Variants in KNG1 observed in about 807,000 individuals in gnomAD.
KNG1 encodes the protein kininogen-1.
Under a neutral mutation model 47.8 loss-of-function variants are expected in KNG1, and 23 were observed. The ratio of observed to expected loss-of-function variants is 0.48; its 90% CI spans 0.35 to 0.68. KNG1 has a LOEUF of 0.68. KNG1 is among the 30% of genes least tolerant of loss of function. KNG1 has a pLI of 0.01. For synonymous variants in KNG1, 277 were observed against 277.0 expected (o/e 1.00, Z 0.00); for missense variants, 762 against 790.2 (o/e 0.96, Z 0.43).
In KNG1 at chr3:186,743,727, A is replaced by T; in HGVS notation, c.*1396A>T. 6.2e-7 allele frequency: 1 copy of T among 1,614,066 alleles called. No individual in the cohort carries two copies. Among genetic ancestry groups the T allele is most frequent in the Non-Finnish European group, 8.5e-7 (1 of 1,179,890 alleles). On this transcript the variant is annotated 3_prime_UTR_variant, in exon 10 of 10. Transcript: ENST00000644859. ...CAGAGTCACCTAAGGTCCTGCGAGT[A>T]CAAGGGTCGACCCCCAAAGGCAGGG...
intron 7 of KNG1, chr3:186,736,779 G>A (rs1053336625): frequency 3.3e-5 from 5 of 152,082 alleles, no homozygotes; most frequent in Admixed American, 2.6e-4. Flanking sequence ...GGCCAGGCGT[G>A]GTAGCTCATG....
chr3:186,725,278 C>G lies in KNG1; in HGVS notation c.564+18C>G, dbSNP rs374760615. The G allele has an allele frequency of 9.8e-5, 157 of 1,607,554 alleles. No individual in the cohort carries two copies. Among genetic ancestry groups the G allele is most frequent in the Middle Eastern group, 1.7e-4 (1 of 6,060 alleles). On this transcript the variant is annotated intron_variant, in intron 4 of 9. Coordinates refer to ENST00000644859, the MANE Select transcript of KNG1 (RefSeq NM_001102416.3). ...AAAGACAGGTTTGTTCTTTAATTCTCTAAGTAGCACAGTATTACTAAAATT... is the reference window on the plus strand; with the variant it reads ...AAAGACAGGTTTGTTCTTTAATTCTGTAAGTAGCACAGTATTACTAAAATT...
chr3:186,735,223 T>G (rs1441760553), intron 7 of KNG1, among the ~76,000 whole-genome samples: 1 of 152,190 alleles, frequency 6.6e-6, no homozygotes, highest in Admixed American at 6.6e-5. Flanking sequence ...TGGTAGCTCA[T>G]GCCTGTGATC....
At chr3:186,725,542 G>GTTTTTTTTTTTTTTTTTT in intron 4 of KNG1, among the ~76,000 whole-genome samples, 2 of 75,060 alleles carry the variant, frequency 2.7e-5, no homozygotes, top group Admixed American at 3.0e-4. Flanking sequence ...CCGGCCTTAG[G>GTTTTTTTTTTTTTTTTTT]ATTTTTTTTT....
intron 5 of KNG1, among the ~76,000 whole-genome samples, chr3:186,730,356 A>G (rs1294596825): frequency 6.6e-6 from 1 of 151,896 alleles, no homozygotes; most frequent in African/African-American, 2.4e-5. Context: ...TGGTGTAAAA[A>G]CAATTAAAAA....
intron 1 of KNG1, 73 bp downstream of exon 1, chr3:186,717,810 A>ACT: frequency 9.8e-7 from 1 of 1,022,914 alleles, no homozygotes. Flanking sequence ...CCTCACACAC[A>ACT]CACACACATA....
rs981077085 is a variant in KNG1 at position 186,725,021 on chromosome 3, T to A, written c.392-67T>A. The A allele has an allele frequency of 1.1e-5, 17 of 1,559,512 alleles. No individual in the cohort carries two copies. The African/African-American group carries it at 1.5e-4, about 14-fold the overall frequency. ...CCACCACGCCCAGCCTCTTCTTTGT[T>A]TAGGGCAGTGTATGCGAATGCTGAT... On this transcript the variant is annotated intron_variant, in intron 3 of 9. Coordinates refer to ENST00000644859, the MANE Select transcript of KNG1 (RefSeq NM_001102416.3).
Position 186,741,843 on chromosome 3 carries a change from C to A in KNG1, c.1447C>A (p.Leu483Ile). 2 of 1,613,692 alleles carry A rather than the reference C, an allele frequency of 1.2e-6. No individual in the cohort carries two copies. The highest frequency in any genetic ancestry group is 1.7e-6 in the Non-Finnish European group (2 of 1,179,750). ...ACATAAGTTCAAACTTGATGATGAT[C>A]TTGAACACCAAGGGGGCCATGTCCT... ...HGHKFKLDDDLEHQGGHVLDH... is the reference protein window; with the variant it reads ...HGHKFKLDDDIEHQGGHVLDH... Residue 483 changes from leucine (L) to isoleucine (I), a missense_variant, in exon 10 of 10, where the codon CTT becomes ATT. Leu to Ile is a conservative substitution (Grantham distance 5). Transcript: ENST00000644859.
rs1240707233 is a variant in KNG1, at chr3:186,743,537, G to C, written c.*1206G>C. 6.2e-5 allele frequency: 39 copies of C among 624,942 alleles called. No homozygotes were observed. In the East Asian group the frequency reaches 1.1e-3, roughly 17 times the overall value. The allele number at this position is 624,942 out of a possible 1,614,324, so 38.7% of individuals were successfully genotyped here. On this transcript the variant is annotated 3_prime_UTR_variant, in exon 10 of 10. Coordinates refer to ENST00000644859, the MANE Select transcript of KNG1 (RefSeq NM_001102416.3). ...ATGTCACTGCTGCTTCAAGTTATTG[G>C]ATGCATTTGAACCTCTGAGTTTGTC...
Position 186,731,530 on chromosome 3 carries a change from C to G in KNG1, c.673-15C>G. 5 of 1,563,648 alleles carry G rather than the reference C, an allele frequency of 3.2e-6. No homozygotes were observed. The highest frequency in any genetic ancestry group is 4.4e-6 in the Non-Finnish European group (5 of 1,134,310). On this transcript the variant is annotated splice_polypyrimidine_tract_variant and intron_variant, in intron 5 of 9. Coordinates refer to ENST00000644859, the MANE Select transcript of KNG1 (RefSeq NM_001102416.3). ...ATGTTTTTAACTGAGCACTTATATG[C>G]TTTTTAAAAACCAGGATACCGGTGA...
chr3:186,725,250 C>A lies in KNG1; in HGVS notation c.554C>A (p.Ala185Asp), dbSNP rs775795144. ...TTCATGCTTAATGAAGTAAAACGGG[C>A]CCAAAGACAGGTTTGTTCTTTAATT... ...SLFMLNEVKR[A>D]QRQVVAGLNF... The change falls in exon 4 of 10, where the codon GCC becomes GAC. Residue 185 changes from alanine (A) to aspartate (D), a missense_variant. Ala to Asp is a moderately radical substitution (Grantham distance 126). Transcript: ENST00000644859. 9 of 1,613,704 alleles carry A rather than the reference C, an allele frequency of 5.6e-6. No individual in the cohort carries two copies. The highest frequency in any genetic ancestry group is 7.6e-6 in the Non-Finnish European group (9 of 1,179,784).
At chr3:186,724,526 A>G (rs1377732422) in intron 3 of KNG1, among the ~76,000 whole-genome samples, 1 of 152,048 alleles carries the variant, frequency 6.6e-6, no homozygotes, top group Non-Finnish European at 1.5e-5. Context: ...ATTTTTTCAC[A>G]TATCTGTTGG....
At chr3:186,727,486 A>C in intron 5 of KNG1, 142 bp downstream of exon 5, 1 of 670,558 alleles carries the variant, frequency 1.5e-6, no homozygotes, top group Non-Finnish European at 2.7e-6. Flanking sequence ...GGGAAGACTA[A>C]AGCTCACGTC....
Position 186,732,489 on chromosome 3 carries a change from C to G in KNG1, c.758-13C>G, listed in dbSNP as rs776157688. On this transcript the variant is annotated splice_polypyrimidine_tract_variant and intron_variant, in intron 6 of 9. Coordinates refer to ENST00000644859, the MANE Select transcript of KNG1 (RefSeq NM_001102416.3). ...TTCAGTGTACATGTTGACTTAAAAC[C>G]TGATCCTTTCAGGGAAGGATTTTGT... is the stretch of plus-strand genomic sequence containing the variant. 1 of 1,613,666 alleles carries G rather than the reference C, an allele frequency of 6.2e-7. No homozygotes were observed. The highest frequency in any genetic ancestry group is 1.1e-5 in the South Asian group (1 of 91,070).
Position 186,742,489 on chromosome 3 carries a change from C to A in KNG1, c.*158C>A. ...GTGAGACTCCCAGTGGAGACACCAT[C>A]AGTCTCCACGGACTGCATAAAATTG... On this transcript the variant is annotated 3_prime_UTR_variant, in exon 10 of 10. Coordinates refer to ENST00000644859, the MANE Select transcript of KNG1 (RefSeq NM_001102416.3). The A allele has an allele frequency of 6.8e-7, 1 of 1,463,696 alleles. No homozygotes were observed. Among genetic ancestry groups the A allele is most frequent in the South Asian group, 1.4e-5 (1 of 71,032 alleles). 90.7% of individuals were successfully genotyped at this position (1,463,696 alleles called of 1,614,324 possible).
intron 5 of KNG1, among the ~76,000 whole-genome samples, chr3:186,730,719 C>T (rs1357693907): frequency 2.9e-4 from 33 of 113,832 alleles, no homozygotes; most frequent in African/African-American, 9.8e-4. Context: ...TATATATACA[C>T]ACACACACAC....
At position 186,742,028 on chromosome 3, in the gene KNG1, G is replaced by T; in HGVS notation, c.1632G>T (p.Gly544=). ...CACAGACACAAGAGAAGACAGAAGG[G>T]CCAACACCCATCCCTTCCCTAGCCA... ...PSAQTQEKTE[G]PTPIPSLAKP... The change falls in exon 10 of 10, where the codon GGG becomes GGT. Residue 544 remains glycine, a synonymous_variant. Transcript: ENST00000644859. The T allele has an allele frequency of 6.2e-7, 1 of 1,614,132 alleles. No homozygotes were observed. Among genetic ancestry groups the T allele is most frequent in the Non-Finnish European group, 8.5e-7 (1 of 1,180,010 alleles).
chr3:186,744,370 A>G lies in KNG1; in HGVS notation c.*2039A>G, dbSNP rs900912406. The G allele has an allele frequency of 1.3e-4, 20 of 153,510 alleles. No homozygotes were observed. Among genetic ancestry groups the G allele is most frequent in the African/African-American group, 3.6e-4 (15 of 41,472 alleles). 9.5% of individuals were successfully genotyped at this position (153,510 alleles called of 1,614,324 possible). On this transcript the variant is annotated 3_prime_UTR_variant, in exon 10 of 10. Coordinates refer to ENST00000644859, the MANE Select transcript of KNG1 (RefSeq NM_001102416.3). ...GAAATTATCTTTCTGATCCAGGTAA[A>G]GAAGCAAATTGAAAATCAATAAAGT... is the stretch of plus-strand genomic sequence containing the variant.
intron 7 of KNG1, 61 bp from the exon 8 acceptor site, chr3:186,739,038 G>T (rs1045758513): frequency 7.6e-7 from 1 of 1,318,570 alleles, no homozygotes; most frequent in Non-Finnish European, 1.1e-6. Context: ...ATTTCTTAAA[G>T]ATAAATGATT....
Sources: gnomAD v4.1 joint callset for allele counts (sites outside exome capture counted in the v4.1 genomes callset) on GRCh38, gnomAD v4.1.1 for gene constraint, MANE v1.5 for transcripts, NCBI Gene and HGNC (gene_info 2026-07-23, HGNC 2026-07-21) for gene names.